Variants in GPR39 observed in about 807,000 individuals in gnomAD.
GPR39 encodes G protein-coupled receptor 39, also known as zinc sensing receptor.
Under a neutral mutation model 18.4 loss-of-function variants are expected in GPR39, and 23 were observed. That is an observed-to-expected ratio of 1.25 (90% confidence interval 0.90 to 1.77). GPR39 has a LOEUF of 1.77. GPR39 is among the 40% of genes most tolerant of loss of function. The probability of loss-of-function intolerance (pLI) is 0.00; values close to 1 mark genes in which losing one functional copy is unlikely to be tolerated. For synonymous variants in GPR39, 280 were observed against 257.9 expected, an observed-to-expected ratio of 1.09 and a Z score of -0.82; for missense variants, 647 against 602.4, an observed-to-expected ratio of 1.07 and a Z score of -0.78.
intron 1 of GPR39, among the ~76,000 whole-genome samples, chr2:132,527,890 T>G (rs190416170): frequency 4.6e-5 from 7 of 151,644 alleles, no homozygotes; most frequent in Admixed American, 1.3e-4. Context: ...ATGATAGTTT[T>G]TTTTGTTTTG....
chr2:132,601,995 C>G (rs1264902374), intron 1 of GPR39, among the ~76,000 whole-genome samples: 2 of 151,372 alleles, frequency 1.3e-5, no homozygotes, highest in Admixed American at 6.6e-5. Flanking sequence ...AGCTACAGAT[C>G]TCTATCAAAA....
chr2:132,479,297 G>A (rs543439370), intron 1 of GPR39, among the ~76,000 whole-genome samples: 2 of 152,336 alleles, frequency 1.3e-5, no homozygotes, highest in Middle Eastern at 3.4e-3. Context: ...AAAATGTGAC[G>A]CATATGGTAA....
intron 1 of GPR39, among the ~76,000 whole-genome samples, chr2:132,454,301 G>C (rs1159329067): frequency 6.6e-6 from 1 of 152,086 alleles, no homozygotes; most frequent in Non-Finnish European, 1.5e-5. Context: ...ATGGTGTATA[G>C]GAATGCTTGT....
chr2:132,565,180 A>G (rs1680326664), intron 1 of GPR39, among the ~76,000 whole-genome samples: 1 of 152,034 alleles, frequency 6.6e-6, no homozygotes, highest in Admixed American at 6.6e-5. Context: ...CGTGACGATT[A>G]GCCGGGCATG....
intron 1 of GPR39, among the ~76,000 whole-genome samples, chr2:132,609,781 C>G (rs548789300): frequency 6.6e-6 from 1 of 152,184 alleles, no homozygotes; most frequent in Non-Finnish European, 1.5e-5. Context: ...GGGTCCCAGT[C>G]TTTCCCGCTC....
chr2:132,594,529 T>C (rs1373991826), intron 1 of GPR39, among the ~76,000 whole-genome samples: 1 of 152,124 alleles, frequency 6.6e-6, no homozygotes, highest in Non-Finnish European at 1.5e-5. Flanking sequence ...AAATGTTCAC[T>C]AAATTTTTAA....
At chr2:132,497,819 T>G (rs1174058468) in intron 1 of GPR39, among the ~76,000 whole-genome samples, 1 of 151,524 alleles carries the variant, frequency 6.6e-6, no homozygotes, top group Non-Finnish European at 1.5e-5. Context: ...AGAAACAGAT[T>G]ATCTCTGTGG....
intron 1 of GPR39, among the ~76,000 whole-genome samples, chr2:132,624,783 T>C (rs976183365): frequency 9.9e-5 from 15 of 152,246 alleles, no homozygotes; most frequent in African/African-American, 3.6e-4. Context: ...CTGTGTGCAG[T>C]GTATAGTATG....
At chr2:132,588,161 TAAA>T (rs1043783003) in intron 1 of GPR39, among the ~76,000 whole-genome samples, 23 of 152,034 alleles carry the variant, frequency 1.5e-4, no homozygotes, top group African/African-American at 5.6e-4. Flanking sequence ...GTCCTGGAGT[TAAA>T]AAAGGCAGGC....
chr2:132,600,441 A>G (rs992249633), intron 1 of GPR39, among the ~76,000 whole-genome samples: 3 of 152,202 alleles, frequency 2.0e-5, no homozygotes, highest in African/African-American at 7.2e-5. Context: ...ACAAACAATG[A>G]ATGAAACATT....
chr2:132,475,568 A>G (rs1272603529), intron 1 of GPR39, among the ~76,000 whole-genome samples: 2 of 151,996 alleles, frequency 1.3e-5, no homozygotes, highest in Admixed American at 1.3e-4. Context: ...CAGCTTAACT[A>G]CACGAATACC....
chr2:132,470,729 C>G (rs1406204667), intron 1 of GPR39, among the ~76,000 whole-genome samples: 1 of 130,038 alleles, frequency 7.7e-6, no homozygotes, highest in African/African-American at 2.9e-5. Flanking sequence ...CTATCCCAGC[C>G]TGGGCAGGGG....
intron 1 of GPR39, among the ~76,000 whole-genome samples, chr2:132,483,218 A>G (rs1203428911): frequency 6.6e-6 from 1 of 152,146 alleles, no homozygotes; most frequent in Non-Finnish European, 1.5e-5. Flanking sequence ...TTCAACTACT[A>G]TTGTTGTTGT....
chr2:132,425,660 T>G (rs1327380811), intron 1 of GPR39, among the ~76,000 whole-genome samples: 2 of 152,154 alleles, frequency 1.3e-5, no homozygotes, highest in East Asian at 3.9e-4. Context: ...ATAGGGAGAT[T>G]TTCTGTGTGG....
intron 1 of GPR39, among the ~76,000 whole-genome samples, chr2:132,524,351 C>A (rs536630810): frequency 6.6e-6 from 1 of 152,366 alleles, no homozygotes; most frequent in African/African-American, 2.4e-5. Flanking sequence ...CATTAGATTC[C>A]TCATCCATAA....
At chr2:132,442,230 G>A (rs1193216421) in intron 1 of GPR39, among the ~76,000 whole-genome samples, 2 of 152,240 alleles carry the variant, frequency 1.3e-5, no homozygotes, top group African/African-American at 2.4e-5. Flanking sequence ...AACACAAATC[G>A]TGAAACAAAC....
At chr2:132,617,698 T>C (rs1681361948) in intron 1 of GPR39, among the ~76,000 whole-genome samples, 1 of 152,200 alleles carries the variant, frequency 6.6e-6, no homozygotes, top group Non-Finnish European at 1.5e-5. Flanking sequence ...TTATTGTTAG[T>C]AGTAGCATCT....
chr2:132,430,387 A>G (rs1680204309), intron 1 of GPR39, among the ~76,000 whole-genome samples: 1 of 152,024 alleles, frequency 6.6e-6, no homozygotes, highest in South Asian at 2.1e-4. Flanking sequence ...GGCTGGGGAG[A>G]CCTTGACTTT....
chr2:132,597,721 TCAGCTG>T (rs1680970699), intron 1 of GPR39, among the ~76,000 whole-genome samples: 3 of 152,186 alleles, frequency 2.0e-5, no homozygotes, highest in Non-Finnish European at 4.4e-5. Context: ...CATTTATAAA[TCAGCTG>T]AAGAATATCT....
Sources: gnomAD v4.1 joint callset for allele counts (sites outside exome capture counted in the v4.1 genomes callset) on GRCh38, gnomAD v4.1.1 for gene constraint, MANE v1.5 for transcripts, NCBI Gene and HGNC (gene_info 2026-07-23, HGNC 2026-07-21) for gene names.